The following ANKS1B variants were observed in gnomAD, a reference collection of about 807,000 sequenced individuals.
ANKS1B encodes the protein ankyrin repeat and sterile alpha motif domain-containing protein 1B.
A neutral mutation model predicts 148.3 loss-of-function variants in ANKS1B; 36 were observed. The ratio of observed to expected loss-of-function variants is 0.24; its 90% CI spans 0.19 to 0.32. ANKS1B has a LOEUF of 0.32. ANKS1B is among the 10% of genes least tolerant of loss of function. The pLI is 1.00. For missense variants in ANKS1B, 1,157 were observed against 1,542.6 expected (o/e 0.75, Z 4.19); for synonymous variants, 542 against 560.8 (o/e 0.97, Z 0.47).
intron 10 of ANKS1B, among the ~76,000 whole-genome samples, chr12:99,454,132 G>T (rs1010358267): frequency 6.6e-6 from 1 of 152,188 alleles, no homozygotes; most frequent in Admixed American, 6.5e-5. Flanking sequence ...CAGGATATGT[G>T]TGGAAAAGTG....
intron 15 of ANKS1B, among the ~76,000 whole-genome samples, chr12:99,096,020 T>A (rs1418377885): frequency 6.6e-6 from 1 of 152,216 alleles, no homozygotes; most frequent in African/African-American, 2.4e-5. Context: ...ATGACAGGTG[T>A]CCAGAGATTG....
chr12:98,842,340 T>C (rs1031377130), intron 17 of ANKS1B, among the ~76,000 whole-genome samples: 2 of 152,160 alleles, frequency 1.3e-5, no homozygotes, highest in Non-Finnish European at 2.9e-5. Flanking sequence ...TGATAGAATA[T>C]TGTAGGATTC....
intron 22 of ANKS1B, 84 bp from the exon 23 acceptor site, chr12:98,782,221 T>C (rs1234151340): frequency 8.6e-7 from 1 of 1,160,018 alleles, no homozygotes; most frequent in Admixed American, 2.0e-5. Context: ...ACCATTTCAA[T>C]AATTCACCAA....
chr12:98,818,314 G>T (rs2099158681), intron 19 of ANKS1B, among the ~76,000 whole-genome samples: 1 of 152,132 alleles, frequency 6.6e-6, no homozygotes, highest in Non-Finnish European at 1.5e-5. Context: ...ATAGGCTTAT[G>T]ATATTCCTGT....
rs532413925 is a variant in ANKS1B at position 99,203,473 on chromosome 12, C to T, written c.2419+40869G>A. On this transcript the variant is annotated intron_variant, in intron 14 of 26. Coordinates refer to ENST00000683438, the MANE Select transcript of ANKS1B (RefSeq NM_001352186.2). ...TCTTTCTTTTTTTTTTTTTTTGAGA[C>T]GGAGTCTCACTCTGTTGCCCAGGCT... 1.5e-4 allele frequency among the ~76,000 whole-genome samples: 22 copies of T among 146,312 alleles called. 1 individual carries two copies. The highest frequency in any genetic ancestry group is 4.3e-4 in the South Asian group (2 of 4,650).
chr12:99,651,602 A>G (rs2098419877), intron 9 of ANKS1B, among the ~76,000 whole-genome samples: 1 of 152,126 alleles, frequency 6.6e-6, no homozygotes, highest in African/African-American at 2.4e-5. Context: ...ATCTGACTCA[A>G]TCTCTTTTTA....
chr12:99,949,872 G>T (rs528982907), intron 1 of ANKS1B, among the ~76,000 whole-genome samples: 44 of 149,812 alleles, frequency 2.9e-4, no homozygotes, highest in African/African-American at 1.0e-3. Context: ...TGGTCCACAA[G>T]ACCTAAAATA....
intron 14 of ANKS1B, among the ~76,000 whole-genome samples, chr12:99,232,107 C>T (rs2086972421): frequency 6.6e-6 from 1 of 152,014 alleles, no homozygotes; most frequent in Non-Finnish European, 1.5e-5. Flanking sequence ...TAAGTGTTAG[C>T]CACTGATTTC....
intron 17 of ANKS1B, among the ~76,000 whole-genome samples, chr12:98,932,305 C>T (rs750636747): frequency 3.4e-4 from 52 of 152,168 alleles, no homozygotes; most frequent in Non-Finnish European, 6.5e-4. Flanking sequence ...AGATGTTTTC[C>T]TTCATGAGTT....
rs138364359 is a variant in ANKS1B, at chr12:99,062,416, G to C, written c.2626-9107C>G. Among the ~76,000 whole-genome samples the C allele has an allele frequency of 5.9e-4, 90 of 152,230 alleles. No homozygotes were observed. The East Asian group carries it at 0.016, about 26-fold the overall frequency. ...TGTAGTGTGAGAAGAGAAGTGGCCT[G>C]AGAATGAACCAACACTTTCAATGCA... On this transcript the variant is annotated intron_variant, in intron 16 of 26. Coordinates refer to ENST00000683438, the MANE Select transcript of ANKS1B (RefSeq NM_001352186.2).
At chr12:99,081,002 T>C (rs2049526562) in intron 16 of ANKS1B, among the ~76,000 whole-genome samples, 1 of 152,138 alleles carries the variant, frequency 6.6e-6, no homozygotes, top group Non-Finnish European at 1.5e-5. Flanking sequence ...TGAAAACGGA[T>C]AATTAAGCTT....
intron 17 of ANKS1B, among the ~76,000 whole-genome samples, chr12:99,019,605 A>G (rs1443748037): frequency 1.3e-5 from 2 of 152,206 alleles, no homozygotes; most frequent in African/African-American, 2.4e-5. Flanking sequence ...TGGCTACAAC[A>G]TCAAGTCATT....
intron 9 of ANKS1B, among the ~76,000 whole-genome samples, chr12:99,651,931 T>A (rs1324030201): frequency 2.0e-5 from 3 of 151,686 alleles, no homozygotes. Flanking sequence ...TATATATATG[T>A]ACAAATATAC....
At chr12:98,895,825 T>C (rs2099763840) in intron 17 of ANKS1B, among the ~76,000 whole-genome samples, 1 of 152,248 alleles carries the variant, frequency 6.6e-6, no homozygotes, top group Admixed American at 6.5e-5. Flanking sequence ...CCAAAAATTA[T>C]GCCAATTAAA....
At chr12:98,959,651 C>T (rs2099868007) in intron 17 of ANKS1B, among the ~76,000 whole-genome samples, 1 of 152,200 alleles carries the variant, frequency 6.6e-6, no homozygotes, top group Non-Finnish European at 1.5e-5. Flanking sequence ...AGCTTGGCCA[C>T]AGTGGAGTAG....
intron 14 of ANKS1B, among the ~76,000 whole-genome samples, chr12:99,170,030 C>G (rs776077541): frequency 4.2e-4 from 64 of 152,290 alleles, no homozygotes; most frequent in Non-Finnish European, 7.4e-4. Context: ...CTCCTTCCCC[C>G]CTTCACCTTA....
At chr12:99,039,134 C>T (rs751740983) in intron 17 of ANKS1B, among the ~76,000 whole-genome samples, 30 of 152,302 alleles carry the variant, frequency 2.0e-4, no homozygotes, top group South Asian at 1.0e-3. Context: ...CTTCATATGT[C>T]GTCTTCCCAG....
intron 17 of ANKS1B, among the ~76,000 whole-genome samples, chr12:99,040,481 G>C (rs182454672): frequency 1.3e-5 from 2 of 152,100 alleles, no homozygotes; most frequent in East Asian, 3.8e-4. Flanking sequence ...GAAAGACTGC[G>C]GATGTTCATT....
chr12:98,767,955 AT>A (rs1226869120), intron 25 of ANKS1B, among the ~76,000 whole-genome samples: 1 of 152,142 alleles, frequency 6.6e-6, no homozygotes, highest in Non-Finnish European at 1.5e-5. Flanking sequence ...CTCTCCACTC[AT>A]TTAAGAGCAG....
Sources: allele counts gnomAD v4.1 joint callset (sites outside exome capture counted in the v4.1 genomes callset), GRCh38; gene constraint gnomAD v4.1.1; transcripts MANE v1.5; gene names NCBI Gene and HGNC (gene_info 2026-07-23, HGNC 2026-07-21).